Variants in CCDC7 observed in about 807,000 individuals in gnomAD.
The protein encoded by CCDC7 is coiled-coil domain containing 7.
A neutral mutation model predicts 196.9 loss-of-function variants in CCDC7; 183 were observed. The ratio of observed to expected loss-of-function variants is 0.93; its 90% confidence interval spans 0.82 to 1.05. CCDC7 has a LOEUF of 1.05. Ranked by LOEUF, CCDC7 falls within the 50% of genes least tolerant of loss-of-function variation. CCDC7 has a pLI of 0.00. For synonymous variants in CCDC7, 525 were observed against 484.6 expected (o/e 1.08, Z -1.10); for missense variants, 1,540 against 1,482.2 (o/e 1.04, Z -0.64).
At chr10:32,822,380 G>A (rs1565614932) in intron 31 of CCDC7, among the ~76,000 whole-genome samples, 2 of 152,150 alleles carry the variant, frequency 1.3e-5, no homozygotes, top group African/African-American at 2.4e-5. Flanking sequence ...GAGAAGTGAT[G>A]TAACACTGTA....
chr10:32,497,142 T>G (rs549549086), intron 9 of CCDC7, among the ~76,000 whole-genome samples: 1 of 152,350 alleles, frequency 6.6e-6, no homozygotes, highest in Non-Finnish European at 1.5e-5. Context: ...GTCCTGGAAT[T>G]TATCCATTTC....
chr10:32,596,575 T>C (rs1285470059), intron 18 of CCDC7, among the ~76,000 whole-genome samples: 2 of 152,208 alleles, frequency 1.3e-5, no homozygotes, highest in Non-Finnish European at 2.9e-5. Flanking sequence ...CCTGTCATTA[T>C]GATGTTAGCT....
chr10:32,812,565 A>G (rs1005738743), intron 30 of CCDC7, among the ~76,000 whole-genome samples: 3 of 152,126 alleles, frequency 2.0e-5, no homozygotes, highest in East Asian at 3.8e-4. Context: ...GGTGACAGAC[A>G]TTACTGAATG....
At chr10:32,658,937 G>A (rs986641124) in intron 20 of CCDC7, among the ~76,000 whole-genome samples, 7 of 151,530 alleles carry the variant, frequency 4.6e-5, no homozygotes, top group African/African-American at 1.7e-4. Context: ...TTTCTTTTTT[G>A]TATAGCTAAA....
At chr10:32,456,453 A>G in intron 3 of CCDC7, 119 bp downstream of exon 4, 2 of 789,378 alleles carry the variant, frequency 2.5e-6, no homozygotes, top group Non-Finnish European at 3.6e-6. Context: ...AAGAAATTAT[A>G]AATGGCATTG....
intron 41 of CCDC7, among the ~76,000 whole-genome samples, chr10:32,855,771 CA>C (rs2093729046): frequency 6.6e-6 from 1 of 152,094 alleles, no homozygotes; most frequent in Non-Finnish European, 1.5e-5. Flanking sequence ...ACCCGATAGT[CA>C]AAATAATCTT....
At chr10:32,741,734 G>A (rs928474431) in intron 28 of CCDC7, among the ~76,000 whole-genome samples, 1 of 151,916 alleles carries the variant, frequency 6.6e-6, no homozygotes, top group African/African-American at 2.4e-5. Context: ...TCTTACAACT[G>A]GTAATGTTTG....
intron 41 of CCDC7, among the ~76,000 whole-genome samples, chr10:32,858,661 A>G (rs2136415132): frequency 2.0e-5 from 3 of 152,192 alleles, no homozygotes; most frequent in Non-Finnish European, 4.4e-5. Flanking sequence ...TAGTATAGGT[A>G]TAGAAGGAAA....
chr10:32,562,418 C>G (rs2055875589), intron 13 of CCDC7, among the ~76,000 whole-genome samples: 1 of 152,162 alleles, frequency 6.6e-6, no homozygotes, highest in Non-Finnish European at 1.5e-5. Flanking sequence ...TACTGGCAAA[C>G]CGAATCCAGC....
intron 34 of CCDC7, 54 bp from the exon 36 acceptor site, chr10:32,845,489 A>G: frequency 7.0e-7 from 1 of 1,432,908 alleles, no homozygotes; most frequent in Non-Finnish European, 9.7e-7. Context: ...AACACACACA[A>G]GTATGGTAAT....
chr10:32,580,677 T>TTGA (rs1425896519), intron 16 of CCDC7, among the ~76,000 whole-genome samples: 3 of 152,082 alleles, frequency 2.0e-5, no homozygotes, highest in African/African-American at 7.2e-5. Flanking sequence ...TAATATTTTA[T>TTGA]TAGTATTTTA....
chr10:32,689,192 A>T (rs1380436804), intron 23 of CCDC7, 29 bp downstream of exon 24: 1 of 1,370,500 alleles, frequency 7.3e-7, no homozygotes, highest in Non-Finnish European at 1.0e-6. Context: ...GATAACTTTA[A>T]ATTATTTAAA....
At chr10:32,802,310 T>C (rs1054350204) in intron 29 of CCDC7, among the ~76,000 whole-genome samples, 3 of 152,186 alleles carry the variant, frequency 2.0e-5, no homozygotes, top group African/African-American at 7.2e-5. Context: ...ACTCCTTGCA[T>C]CTCTTGAGCA....
chr10:32,872,678 G>A (rs746433432), intron 41 of CCDC7, among the ~76,000 whole-genome samples: 188 of 151,824 alleles, frequency 1.2e-3, no homozygotes, highest in African/African-American at 4.0e-3. Context: ...GGCTGGTACC[G>A]GTTGTTCCTT....
intron 8 of CCDC7, 116 bp downstream of exon 9, chr10:32,474,139 A>C: frequency 1.1e-6 from 1 of 936,838 alleles, no homozygotes; most frequent in Admixed American, 3.7e-5. Context: ...GTTTGGAGCC[A>C]TATAGTTGAG....
At chr10:32,770,986 T>C (rs547988727) in intron 28 of CCDC7, among the ~76,000 whole-genome samples, 22 of 152,308 alleles carry the variant, frequency 1.4e-4, no homozygotes, top group Admixed American at 7.2e-4. Flanking sequence ...CCTTCTATGT[T>C]AGGTAAGTCT....
chr10:32,804,804 A>G (rs887070032), intron 29 of CCDC7, among the ~76,000 whole-genome samples: 7 of 152,126 alleles, frequency 4.6e-5, no homozygotes, highest in Non-Finnish European at 1.0e-4. Flanking sequence ...AAACATTTCT[A>G]TGCCTCAATA....
intron 3 of CCDC7, among the ~76,000 whole-genome samples, chr10:32,461,172 C>G (rs1418681471): frequency 6.6e-6 from 1 of 152,100 alleles, no homozygotes; most frequent in African/African-American, 2.4e-5. Flanking sequence ...TGCTCCTCAA[C>G]TTATGAGGGA....
At chr10:32,698,287 C>T (rs550844424) in intron 24 of CCDC7, among the ~76,000 whole-genome samples, 1 of 152,278 alleles carries the variant, frequency 6.6e-6, no homozygotes, top group East Asian at 1.9e-4. Flanking sequence ...ACCAGAGTGC[C>T]TCTTCTCCTC....
Sources: gnomAD v4.1 joint callset for allele counts (sites outside exome capture counted in the v4.1 genomes callset) on GRCh38, gnomAD v4.1.1 for gene constraint, MANE v1.5 for transcripts, NCBI Gene and HGNC (gene_info 2026-07-23, HGNC 2026-07-21) for gene names.